The following AP3B1 variants were observed in gnomAD, a reference collection of about 807,000 sequenced individuals.
AP3B1 encodes AP-3 complex subunit beta-1.
A neutral mutation model predicts 132.5 loss-of-function variants in AP3B1; 61 were observed. The observed-to-expected ratio is 0.46, with a 90% CI of 0.37 to 0.57. The LOEUF is 0.57. Ranked by LOEUF, AP3B1 falls within the 20% of genes least tolerant of loss-of-function variation. The pLI is 0.00. For missense variants in AP3B1, 1,120 were observed against 1,289.4 expected (o/e 0.87, Z 2.01); for synonymous variants, 388 against 438.3 (o/e 0.89, Z 1.43).
chr5:78,114,693 C>T (rs1751748868), intron 18 of AP3B1, among the ~76,000 whole-genome samples: 1 of 152,178 alleles, frequency 6.6e-6, no homozygotes, highest in Non-Finnish European at 1.5e-5. Flanking sequence ...TGCCTGTGAT[C>T]TATGTAACGA....
At chr5:78,013,674 A>T (rs1442570009) in intron 26 of AP3B1, among the ~76,000 whole-genome samples, 1 of 152,226 alleles carries the variant, frequency 6.6e-6, no homozygotes, top group East Asian at 1.9e-4. Flanking sequence ...GAAGTATTTA[A>T]AGCAGAATAA....
chr5:78,241,047 A>C (rs1747112565), intron 2 of AP3B1, 111 bp from the exon 3 acceptor site: 1 of 739,002 alleles, frequency 1.4e-6, no homozygotes. Flanking sequence ...TTTTTGAATC[A>C]TCTTACCTCA....
chr5:78,072,211 A>G (rs1281965241), intron 22 of AP3B1, among the ~76,000 whole-genome samples: 2 of 152,216 alleles, frequency 1.3e-5, no homozygotes, highest in African/African-American at 4.8e-5. Context: ...TCAACTTCTG[A>G]ATTATTGAAA....
chr5:78,133,123 T>A (rs1353514213), intron 15 of AP3B1, among the ~76,000 whole-genome samples: 2 of 152,196 alleles, frequency 1.3e-5, no homozygotes. Flanking sequence ...TTCATGCATC[T>A]CATAGGCCAT....
intron 22 of AP3B1, among the ~76,000 whole-genome samples, chr5:78,076,834 G>A (rs1015799345): frequency 6.6e-6 from 1 of 152,182 alleles, no homozygotes; most frequent in African/African-American, 2.4e-5. Context: ...TTTCATGCCA[G>A]TAGGGTAACC....
At chr5:78,261,941 G>A (rs561090141) in intron 2 of AP3B1, among the ~76,000 whole-genome samples, 13 of 151,578 alleles carry the variant, frequency 8.6e-5, no homozygotes, top group South Asian at 2.1e-4. Flanking sequence ...TAGTAGAGAC[G>A]AGATTTGTCT....
At position 78,039,226 on chromosome 5, in the gene AP3B1, G is replaced by A. The variant is rs773298750; in HGVS notation, c.2626C>T (p.Arg876Ter). 3 of 1,613,972 alleles carry A rather than the reference G, an allele frequency of 1.9e-6. No individual in the cohort carries two copies. Among genetic ancestry groups the A allele is most frequent in the Non-Finnish European group, 2.5e-6 (3 of 1,180,004 alleles). ...GCAGCTAGTCCTTTTCCACTCATTC[G>A]ATGAAGCAGCACGTGAGTTTTCGTT... Reference protein sequence around the residue: ...VPTKTHVLLHRMSGKGLAAHY... With the variant: ...VPTKTHVLLH Residue 876 changes from arginine to a stop codon, truncating the protein, a stop_gained, in exon 23 of 27, where the codon CGA (arginine) becomes TGA (stop). Transcript: ENST00000255194. LOFTEE classifies it high-confidence loss of function.
At chr5:78,085,699 A>T (rs252762) in intron 22 of AP3B1, among the ~76,000 whole-genome samples, 36,608 of 152,118 alleles carry the variant, frequency 0.24, 4,630 homozygotes, top group Admixed American at 0.31. Context: ...TACAGAAAAG[A>T]ACCAAAACAA....
At chr5:78,105,605 G>C (rs1387469116) in intron 20 of AP3B1, among the ~76,000 whole-genome samples, 1 of 151,844 alleles carries the variant, frequency 6.6e-6, no homozygotes, top group Non-Finnish European at 1.5e-5. Flanking sequence ...CTTAAAATAA[G>C]GAATTACTAA....
chr5:78,001,663 C>A (rs1325433542), downstream of AP3B1: 1 of 152,188 alleles, frequency 6.6e-6, no homozygotes, highest in Non-Finnish European at 1.5e-5. Context: ...AAATTCCATT[C>A]TTTTCTTTTC....
At chr5:78,150,941 CAG>C (rs1481453703) in intron 14 of AP3B1, among the ~76,000 whole-genome samples, 2 of 151,922 alleles carry the variant, frequency 1.3e-5, no homozygotes, top group African/African-American at 2.4e-5. Context: ...TTTTTTGAGA[CAG>C]AGTCTCGCTC....
chr5:78,111,038 TTG>T (rs1312020468), intron 19 of AP3B1, among the ~76,000 whole-genome samples: 2 of 152,044 alleles, frequency 1.3e-5, no homozygotes, highest in Non-Finnish European at 2.9e-5. Context: ...GATTATAGGC[TTG>T]AGCCACCACA....
intron 22 of AP3B1, among the ~76,000 whole-genome samples, chr5:78,081,499 C>T (rs1353674370): frequency 2.0e-5 from 3 of 151,724 alleles, no homozygotes; most frequent in East Asian, 1.9e-4. Flanking sequence ...TTAGTAGAGA[C>T]GGGGTTTCAC....
At chr5:78,143,329 T>A (rs949822479) in intron 14 of AP3B1, among the ~76,000 whole-genome samples, 1 of 152,064 alleles carries the variant, frequency 6.6e-6, no homozygotes, top group Non-Finnish European at 1.5e-5. Context: ...TACAACTCTT[T>A]GAAAAAATTA....
At chr5:78,096,529 C>T (rs561647387) in intron 21 of AP3B1, among the ~76,000 whole-genome samples, 2 of 150,162 alleles carry the variant, frequency 1.3e-5, no homozygotes, top group Admixed American at 6.6e-5. Flanking sequence ...AAGTGAGGAG[C>T]GTCTCTGCCC....
intron 17 of AP3B1, among the ~76,000 whole-genome samples, chr5:78,125,975 G>A (rs1204366365): frequency 6.6e-6 from 1 of 151,906 alleles, no homozygotes; most frequent in African/African-American, 2.4e-5. Flanking sequence ...TCAACTCTGA[G>A]AAGATAATGC....
At chr5:78,207,805 T>G (rs1745572263) in intron 7 of AP3B1, among the ~76,000 whole-genome samples, 1 of 152,150 alleles carries the variant, frequency 6.6e-6, no homozygotes. Flanking sequence ...AATTAAGTAA[T>G]GTCTACAGAG....
Position 78,066,346 on chromosome 5 carries a change from G to A in AP3B1, c.2577+23047C>T, listed in dbSNP as rs116091732. ...GAACTGACAGAAGTAGGCTTTAGAC[G>A]GTGGGTAATAACGAACTTTGCTGAG... is the stretch of plus-strand genomic sequence containing the variant. On this transcript the variant is annotated intron_variant, in intron 22 of 26. Transcript: ENST00000255194. Among the ~76,000 whole-genome samples the A allele has an allele frequency of 1.8e-3, 274 of 152,278 alleles. 1 individual carries two copies. The highest frequency in any genetic ancestry group is 6.2e-3 in the African/African-American group (259 of 41,554).
At chr5:78,119,033 T>C (rs1051264412) in intron 17 of AP3B1, among the ~76,000 whole-genome samples, 2 of 152,138 alleles carry the variant, frequency 1.3e-5, no homozygotes, top group Admixed American at 6.5e-5. Flanking sequence ...CGCTGTTCTA[T>C]AGCCACTGCT....
Sources: allele counts gnomAD v4.1 joint callset (sites outside exome capture counted in the v4.1 genomes callset), GRCh38; gene constraint gnomAD v4.1.1; transcripts MANE v1.5; gene names NCBI Gene and HGNC (gene_info 2026-07-23, HGNC 2026-07-21).